ADCY8: variants seen among roughly 807,000 people sequenced by gnomAD.
ADCY8 encodes the protein adenylate cyclase type 8.
Under a neutral mutation model 119.7 loss-of-function variants are expected in ADCY8, and 51 were observed. That is an observed-to-expected ratio of 0.43 (90% CI 0.34 to 0.54). The LOEUF (loss-of-function observed/expected upper bound fraction) is 0.54. ADCY8 is among the 20% of genes least tolerant of loss of function. The pLI is 0.03. For missense variants in ADCY8, 1,383 were observed against 1,598.8 expected, an observed-to-expected ratio of 0.87 and a Z score of 2.30; for synonymous variants, 665 against 651.0, an observed-to-expected ratio of 1.02 and a Z score of -0.33.
At chr8:131,037,075 A>C (rs941428552) in intron 1 of ADCY8, among the ~76,000 whole-genome samples, 1 of 152,042 alleles carries the variant, frequency 6.6e-6, no homozygotes, top group Non-Finnish European at 1.5e-5. Flanking sequence ...TCTAGGAAAG[A>C]CTCTTAAGCC....
chr8:130,809,615 T>C (rs1333849490), intron 14 of ADCY8, among the ~76,000 whole-genome samples: 1 of 152,140 alleles, frequency 6.6e-6, no homozygotes, highest in Non-Finnish European at 1.5e-5. Flanking sequence ...AGAATTAGAA[T>C]CATATTACAG....
At position 131,039,949 on chromosome 8, in the gene ADCY8, A is replaced by G. The variant is rs1165853381; in HGVS notation, c.385T>C (p.Phe129Leu). The change falls in exon 1 of 18, where the codon TTC becomes CTC. Residue 129 changes from phenylalanine (F) to leucine (L), a missense_variant. This residue lies in a region of ADCY8 where 455 missense variants were observed against 435.3 expected (regional missense o/e 1.05). Coordinates refer to ENST00000286355, the MANE Select transcript of ADCY8 (RefSeq NM_001115.3). ...SGSGGGGDLG[F>L]LHLDCAPSNS... is the part of the protein sequence containing the mutation. ...CTAGGGGCACAGTCAAGGTGCAGGA[A>G]GCCCAGGTCGCCCCCGCCTCCGCTG... is the stretch of plus-strand genomic sequence containing the variant. 2 of 1,596,284 alleles carry G rather than the reference A, an allele frequency of 1.3e-6. No homozygotes were observed. Among genetic ancestry groups the G allele is most frequent in the Non-Finnish European group, 1.7e-6 (2 of 1,171,564 alleles).
intron 7 of ADCY8, among the ~76,000 whole-genome samples, chr8:130,895,317 A>T (rs568462446): frequency 6.6e-6 from 1 of 152,282 alleles, no homozygotes; most frequent in East Asian, 1.9e-4. Context: ...TTAGCAGGTT[A>T]TCAGCCATGG....
chr8:131,006,458 G>C lies in ADCY8; in HGVS notation c.961-15916C>G, dbSNP rs10098561. ...CAAGAGAATGATTTCCTGGGCAGTGGGGCTTTTTCAAGTTTATTTACTCTG... is the reference window on the plus strand; with the variant it reads ...CAAGAGAATGATTTCCTGGGCAGTGCGGCTTTTTCAAGTTTATTTACTCTG... On this transcript the variant is annotated intron_variant, in intron 1 of 17. Coordinates refer to ENST00000286355, the MANE Select transcript of ADCY8 (RefSeq NM_001115.3). Among the ~76,000 whole-genome samples the C allele has an allele frequency of 5.9e-3, 904 of 152,194 alleles. 11 individuals are homozygous for C. Among genetic ancestry groups the C allele is most frequent in the African/African-American group, 0.021 (879 of 41,534 alleles).
intron 1 of ADCY8, 117 bp downstream of exon 1, chr8:131,039,257 G>A (rs1383092405): frequency 7.1e-7 from 1 of 1,417,534 alleles, no homozygotes; most frequent in East Asian, 2.3e-5. Flanking sequence ...AAGGCACTGT[G>A]CCAGACTGAA....
chr8:130,881,666 T>G (rs1425090956), intron 8 of ADCY8, among the ~76,000 whole-genome samples: 1 of 152,108 alleles, frequency 6.6e-6, no homozygotes, highest in African/African-American at 2.4e-5. Context: ...AGATATATAT[T>G]CTTAATAAAA....
chr8:130,791,188 C>T (rs1361766796), intron 15 of ADCY8, among the ~76,000 whole-genome samples: 4 of 152,210 alleles, frequency 2.6e-5, no homozygotes, highest in Non-Finnish European at 4.4e-5. Flanking sequence ...AATTTTACAG[C>T]AGGCTGTATG....
chr8:130,876,033 A>G (rs567276290), intron 8 of ADCY8, among the ~76,000 whole-genome samples: 13 of 152,200 alleles, frequency 8.5e-5, no homozygotes, highest in African/African-American at 2.9e-4. Flanking sequence ...ATTCAACTTC[A>G]GTTTTGTTTA....
At chr8:130,833,698 C>A (rs562269054) in intron 12 of ADCY8, among the ~76,000 whole-genome samples, 15 of 152,196 alleles carry the variant, frequency 9.9e-5, no homozygotes, top group Admixed American at 9.8e-4. Context: ...TGGTTATTGG[C>A]CAACTGAGCT....
chr8:130,823,088 C>T (rs1816570342), intron 12 of ADCY8, among the ~76,000 whole-genome samples: 1 of 151,968 alleles, frequency 6.6e-6, no homozygotes, highest in Non-Finnish European at 1.5e-5. Context: ...TTTGGATATC[C>T]TTTGCTTTGC....
At chr8:130,856,372 G>A (rs1047679923) in intron 9 of ADCY8, among the ~76,000 whole-genome samples, 2 of 152,024 alleles carry the variant, frequency 1.3e-5, no homozygotes, top group African/African-American at 4.8e-5. Flanking sequence ...TTTGTTGAGT[G>A]TTTGCCAGGA....
At chr8:131,029,313 CAG>C (rs1462888533) in intron 1 of ADCY8, among the ~76,000 whole-genome samples, 6 of 152,258 alleles carry the variant, frequency 3.9e-5, no homozygotes, top group African/African-American at 9.6e-5. Flanking sequence ...GTAATAATAA[CAG>C]AGATAAAATA....
chr8:130,819,180 G>T (rs1211373106), intron 13 of ADCY8, among the ~76,000 whole-genome samples: 1 of 152,118 alleles, frequency 6.6e-6, no homozygotes, highest in Non-Finnish European at 1.5e-5. Context: ...CTACTAAGTG[G>T]CAGAGTTGGG....
chr8:130,801,819 C>T (rs1468382148), intron 14 of ADCY8, among the ~76,000 whole-genome samples: 1 of 151,944 alleles, frequency 6.6e-6, no homozygotes, highest in Non-Finnish European at 1.5e-5. Context: ...TATTGATCAC[C>T]CCAAGATCTT....
intron 11 of ADCY8, 81 bp downstream of exon 11, chr8:130,847,343 T>G (rs541712490): frequency 9.6e-7 from 1 of 1,047,116 alleles, no homozygotes; most frequent in South Asian, 1.4e-5. Context: ...TCTATGGCCC[T>G]TCAGCCAGTC....
intron 2 of ADCY8, among the ~76,000 whole-genome samples, chr8:130,979,659 C>T (rs1822180202): frequency 6.6e-6 from 1 of 152,194 alleles, no homozygotes; most frequent in African/African-American, 2.4e-5. Flanking sequence ...GTACAACTTA[C>T]TAGCTGTTAT....
At chr8:130,998,101 C>T (rs1316591766) in intron 1 of ADCY8, among the ~76,000 whole-genome samples, 1 of 152,054 alleles carries the variant, frequency 6.6e-6, no homozygotes, top group Non-Finnish European at 1.5e-5. Flanking sequence ...CAGATAATGT[C>T]CTGCTGTCAT....
At chr8:131,033,574 A>G (rs1391300983) in intron 1 of ADCY8, among the ~76,000 whole-genome samples, 1 of 152,114 alleles carries the variant, frequency 6.6e-6, no homozygotes, top group Admixed American at 6.6e-5. Flanking sequence ...AGGAAAACAA[A>G]TTCATAATTC....
intron 14 of ADCY8, among the ~76,000 whole-genome samples, chr8:130,805,278 A>C (rs1048115287): frequency 6.6e-6 from 1 of 152,228 alleles, no homozygotes; most frequent in African/African-American, 2.4e-5. Context: ...GGGGATACAG[A>C]GATTAAATAC....
Sources: allele counts gnomAD v4.1 joint callset (sites outside exome capture counted in the v4.1 genomes callset), GRCh38; gene constraint gnomAD v4.1.1; regional missense constraint gnomAD v4.1.1; transcripts MANE v1.5; gene names NCBI Gene and HGNC (gene_info 2026-07-23, HGNC 2026-07-21).